Variants in DRC3 observed in about 807,000 individuals in gnomAD.
DRC3 encodes leucine rich repeat containing 48.
A neutral mutation model predicts 57.6 loss-of-function variants in DRC3; 45 were observed. The ratio of observed to expected loss-of-function variants is 0.78; its 90% CI spans 0.62 to 1.00. The LOEUF (loss-of-function observed/expected upper bound fraction) is 1.00. Ranked by LOEUF, DRC3 falls within the 50% of genes least tolerant of loss-of-function variation. The pLI is 0.00. For synonymous variants in DRC3, 257 were observed against 272.3 expected (o/e 0.94, Z 0.55); for missense variants, 655 against 675.2 (o/e 0.97, Z 0.33).
Position 18,016,817 on chromosome 17 carries a change from G to A in DRC3, c.*146G>A. On this transcript the variant is annotated 3_prime_UTR_variant, in exon 14 of 14. Coordinates refer to ENST00000399187, the MANE Select transcript of DRC3 (RefSeq NM_031294.4). ...CAACACCATTCTTCCCCCACCCCTG[G>A]AAAAACTTCCAAAAGTAGAGAAAAT... is the stretch of plus-strand genomic sequence containing the variant. The A allele has an allele frequency of 2.1e-6, 1 of 472,616 alleles. No individual in the cohort carries two copies. Among genetic ancestry groups the A allele is most frequent in the South Asian group, 3.5e-5 (1 of 28,644 alleles). 29.3% of individuals were successfully genotyped at this position (472,616 alleles called of 1,614,324 possible).
intron 8 of DRC3, among the ~76,000 whole-genome samples, chr17:17,996,912 A>C (rs1345150046): frequency 2.0e-5 from 3 of 152,150 alleles, no homozygotes; most frequent in Non-Finnish European, 4.4e-5. Flanking sequence ...GCAGATGAGG[A>C]AACTGAGGCC....
At chr17:17,999,062 ACTGGG>A (rs1399029301) in intron 9 of DRC3, among the ~76,000 whole-genome samples, 1 of 152,136 alleles carries the variant, frequency 6.6e-6, no homozygotes, top group Non-Finnish European at 1.5e-5. Flanking sequence ...CCCTGTAGCC[ACTGGG>A]CTTGGGAGTG....
chr17:18,006,622 G>A (rs1160865160), intron 11 of DRC3: 7 of 363,976 alleles, frequency 1.9e-5, no homozygotes, highest in African/African-American at 1.2e-4. Context: ...TCTTCCACCC[G>A]AACTCAGGGC....
rs73979247 is a variant in DRC3 at position 17,977,946 on chromosome 17, C to T, written c.160+188C>T. 4.9e-3 allele frequency: 2,611 copies of T among 528,294 alleles called. 51 individuals are homozygous for T. The highest frequency in any genetic ancestry group is 0.041 in the African/African-American group (2,095 of 50,772). The allele number at this position is 528,294 out of a possible 1,614,324, so 32.7% of individuals were successfully genotyped here. A position where few individuals can be genotyped will look rare whatever the true frequency, so the allele number is the denominator to read the frequency against. On this transcript the variant is annotated intron_variant, in intron 3 of 13. Transcript: ENST00000399187. ...TGTAAAGCGTCATACTTAGTGTCTT[C>T]ATCATTTGAATATCCACGACGCTCC...
intron 12 of DRC3, chr17:18,015,376 T>C (rs1444124442): frequency 6.6e-6 from 1 of 152,232 alleles, no homozygotes. Context: ...GCTTACTGAG[T>C]GCTTCAGTGG....
intron 6 of DRC3, chr17:17,994,000 G>A (rs1039982419): frequency 1.5e-5 from 5 of 341,910 alleles, no homozygotes; most frequent in East Asian, 7.5e-5. Context: ...CGAGGGGAGC[G>A]CTCCATTGCT....
intron 12 of DRC3, chr17:18,010,751 A>G: frequency 4.2e-6 from 1 of 236,328 alleles, no homozygotes. Context: ...TAGTCAGGGC[A>G]GGGGCTGAGG....
chr17:18,002,708 C>G (rs550069520), intron 9 of DRC3, among the ~76,000 whole-genome samples: 1 of 152,284 alleles, frequency 6.6e-6, no homozygotes, highest in African/African-American at 2.4e-5. Flanking sequence ...CTCTGATCCC[C>G]AGGACCCCGT....
chr17:17,984,306 G>C (rs928910334), intron 4 of DRC3, among the ~76,000 whole-genome samples: 3 of 152,216 alleles, frequency 2.0e-5, no homozygotes, highest in African/African-American at 7.2e-5. Context: ...GTGGGACCCA[G>C]ATGAAACCAG....
chr17:17,977,464 TG>T, intron 2 of DRC3, 117 bp from the exon 3 acceptor site: 1 of 1,191,868 alleles, frequency 8.4e-7, no homozygotes, highest in Non-Finnish European at 1.2e-6. Context: ...GGGCTGGGCG[TG>T]GGGCATTCCT....
intron 6 of DRC3, chr17:17,993,860 G>A (rs4924831): frequency 0.04 from 7,308 of 182,962 alleles, 564 homozygotes; most frequent in African/African-American, 0.16. Flanking sequence ...CCAGACCCTC[G>A]TGACCAGCCC....
chr17:18,000,693 T>A (rs566907654), intron 9 of DRC3, among the ~76,000 whole-genome samples: 7 of 152,310 alleles, frequency 4.6e-5, no homozygotes, highest in African/African-American at 1.7e-4. Context: ...TCCACAGCCG[T>A]CATCAGGCCA....
intron 4 of DRC3, among the ~76,000 whole-genome samples, chr17:17,985,445 C>T (rs111734310): frequency 0.028 from 4,318 of 152,270 alleles, 92 homozygotes; most frequent in Middle Eastern, 0.11. Flanking sequence ...CCAGCCATGG[C>T]ACTAGGTGCC....
intron 5 of DRC3, among the ~76,000 whole-genome samples, chr17:17,992,543 T>C (rs1409046039): frequency 6.6e-6 from 1 of 152,120 alleles, no homozygotes; most frequent in Non-Finnish European, 1.5e-5. Context: ...ACCTGAACCA[T>C]GGTCTGCTGG....
intron 5 of DRC3, among the ~76,000 whole-genome samples, chr17:17,991,737 A>G (rs1190807145): frequency 6.6e-6 from 1 of 151,786 alleles, no homozygotes; most frequent in Non-Finnish European, 1.5e-5. Context: ...GAATAAATAA[A>G]GTTACTGGAA....
chr17:18,005,788 C>A, intron 10 of DRC3: 2 of 212,848 alleles, frequency 9.4e-6, no homozygotes, highest in Admixed American at 5.1e-5. Flanking sequence ...GAATACTGAC[C>A]CAGGCAGTCT....
intron 12 of DRC3, among the ~76,000 whole-genome samples, chr17:18,009,095 G>A (rs1262615556): frequency 2.0e-5 from 3 of 152,094 alleles, no homozygotes; most frequent in Non-Finnish European, 4.4e-5. Context: ...TTCCATCTAA[G>A]CAACAAAAAA....
intron 2 of DRC3, among the ~76,000 whole-genome samples, chr17:17,977,084 C>T (rs934393527): frequency 5.9e-5 from 9 of 152,168 alleles, no homozygotes; most frequent in Non-Finnish European, 1.3e-4. Flanking sequence ...CCAGGAGAAG[C>T]TTGTGGTGTG....
intron 12 of DRC3, among the ~76,000 whole-genome samples, chr17:18,013,747 G>A (rs779261332): frequency 6.6e-6 from 1 of 152,164 alleles, no homozygotes; most frequent in Non-Finnish European, 1.5e-5. Context: ...GATGACTATA[G>A]TTGACAATAA....
Sources: allele counts gnomAD v4.1 joint callset (sites outside exome capture counted in the v4.1 genomes callset), GRCh38; gene constraint gnomAD v4.1.1; transcripts MANE v1.5; gene names NCBI Gene and HGNC (gene_info 2026-07-23, HGNC 2026-07-21).